The following COBL variants were observed in gnomAD, a reference collection of about 807,000 sequenced individuals.
The protein encoded by COBL is cordon-bleu WH2 repeat protein, also known as protein cordon-bleu.
A neutral mutation model predicts 98.8 loss-of-function variants in COBL; 51 were observed. The observed-to-expected ratio is 0.52, with a 90% CI of 0.41 to 0.65. The LOEUF (loss-of-function observed/expected upper bound fraction) is 0.65. COBL is among the 30% of genes least tolerant of loss of function. COBL has a pLI of 0.00. For synonymous variants in COBL, 634 were observed against 651.7 expected (o/e 0.97, Z 0.41); for missense variants, 1,617 against 1,617.5 (o/e 1.00, Z 0.01).
intron 10 of COBL, 54 bp from the exon 11 acceptor site, chr7:51,026,719 T>C: frequency 6.3e-7 from 1 of 1,585,758 alleles, no homozygotes; most frequent in Non-Finnish European, 8.6e-7. Context: ...AAATGTGAAC[T>C]GTAATGCAGC....
chr7:51,102,813 A>G (rs1312342834), intron 6 of COBL, among the ~76,000 whole-genome samples: 1 of 152,236 alleles, frequency 6.6e-6, no homozygotes, highest in Non-Finnish European at 1.5e-5. Context: ...GGCAAATAAT[A>G]CACACAAGCG....
At chr7:51,062,187 G>T (rs1401905545) in intron 7 of COBL, among the ~76,000 whole-genome samples, 1 of 152,086 alleles carries the variant, frequency 6.6e-6, no homozygotes, top group Non-Finnish European at 1.5e-5. Context: ...ATTACTTTAA[G>T]TCTACAAAAT....
Position 51,219,830 on chromosome 7 carries a change from A to G in COBL, c.156T>C (p.Val52=). 1 of 1,614,070 alleles carries G rather than the reference A, an allele frequency of 6.2e-7. No homozygotes were observed. The highest frequency in any genetic ancestry group is 8.5e-7 in the Non-Finnish European group (1 of 1,180,038). Residue 52 remains valine (V), a synonymous_variant, in exon 2 of 13, where the codon GTT becomes GTC. Coordinates refer to ENST00000265136, the MANE Select transcript of COBL (RefSeq NM_015198.5). ...TGGCCCTCAGCGCCTCCTTCATGCG[A>G]ACCAAGTTCTGCTGCGACCCGAGGG... ...DGALGSQQNL[V]RMKEALRAST...
At chr7:51,284,244 T>C (rs1800093325) in intron 1 of COBL, among the ~76,000 whole-genome samples, 2 of 148,474 alleles carry the variant, frequency 1.3e-5, no homozygotes, top group Admixed American at 1.3e-4. Context: ...GAGCTTGCAG[T>C]GAGCAGAGAT....
chr7:51,282,383 C>T (rs181475782), intron 1 of COBL, among the ~76,000 whole-genome samples: 3 of 151,924 alleles, frequency 2.0e-5, no homozygotes, highest in Admixed American at 2.0e-4. Flanking sequence ...GATGAAAAAC[C>T]ACACCTACAA....
In COBL at chr7:51,085,331, AATCAAAGTACTTTGTACCTAT is replaced by A. The variant is rs1276435050; in HGVS notation, c.958-48_958-28del. Reference sequence around the variant, plus strand: ...TATGAAGTACAAAGAAGGAAAGTACAATCAAAGTACTTTGTACCTATGAAGTACAAAGAAGGCAGTATTAGG... The same window carrying A: ...TATGAAGTACAAAGAAGGAAAGTACAGAAGTACAAAGAAGGCAGTATTAGG... On this transcript the variant is annotated intron_variant, in intron 6 of 12. Coordinates refer to ENST00000265136, the MANE Select transcript of COBL (RefSeq NM_015198.5). The A allele has an allele frequency of 6.0e-6, 3 of 500,648 alleles. No homozygotes were observed. The African/African-American group carries it at 1.9e-4, about 31-fold the overall frequency. The allele number at this position is 500,648 out of a possible 1,614,324, so 31.0% of individuals were successfully genotyped here.
intron 1 of COBL, among the ~76,000 whole-genome samples, chr7:51,252,689 A>ATT (rs1315765586): frequency 6.6e-6 from 1 of 152,242 alleles, no homozygotes; most frequent in East Asian, 1.9e-4. Context: ...AGGGTATAAT[A>ATT]TTGGCACATA....
At chr7:51,098,086 A>G (rs1475146704) in intron 6 of COBL, among the ~76,000 whole-genome samples, 1 of 151,918 alleles carries the variant, frequency 6.6e-6, no homozygotes, top group Admixed American at 6.6e-5. Context: ...TGCACACTGA[A>G]AACTACAAAA....
intron 2 of COBL, among the ~76,000 whole-genome samples, chr7:51,199,320 G>C (rs1424407605): frequency 6.6e-6 from 1 of 152,150 alleles, no homozygotes; most frequent in Admixed American, 6.5e-5. Context: ...TGGTGAGCTA[G>C]GAGTAGATCC....
chr7:51,088,291 T>A (rs1286626536), intron 6 of COBL, among the ~76,000 whole-genome samples: 3 of 152,132 alleles, frequency 2.0e-5, no homozygotes, highest in Non-Finnish European at 4.4e-5. Context: ...GGATTCTAAT[T>A]CAATTGTCTA....
chr7:51,146,828 G>T (rs1424082325), intron 5 of COBL, among the ~76,000 whole-genome samples: 1 of 152,202 alleles, frequency 6.6e-6, no homozygotes, highest in African/African-American at 2.4e-5. Context: ...GCAGGTCAGA[G>T]CAGTCAGGAG....
intron 12 of COBL, among the ~76,000 whole-genome samples, chr7:51,021,646 C>T (rs780537345): frequency 3.3e-5 from 5 of 152,184 alleles, no homozygotes; most frequent in Non-Finnish European, 7.4e-5. Context: ...TTTAAAAGTC[C>T]AAAAGGTGAA....
At chr7:51,178,494 A>G (rs1358031672) in intron 5 of COBL, among the ~76,000 whole-genome samples, 14 of 152,322 alleles carry the variant, frequency 9.2e-5, no homozygotes, top group African/African-American at 3.4e-4. Context: ...TCTTTTGAAC[A>G]GGGTTTTCAT....
intron 6 of COBL, among the ~76,000 whole-genome samples, chr7:51,108,268 T>C (rs1796492315): frequency 6.6e-6 from 1 of 152,162 alleles, no homozygotes; most frequent in Admixed American, 6.5e-5. Flanking sequence ...TTTTGGGGCT[T>C]TGTATCATGA....
chr7:51,036,321 A>G (rs1788629871), intron 8 of COBL, among the ~76,000 whole-genome samples: 2 of 135,986 alleles, frequency 1.5e-5, no homozygotes, highest in African/African-American at 2.8e-5. Context: ...TGGGTGACAG[A>G]GTGAGACTCC....
At chr7:51,106,123 G>A in intron 6 of COBL, among the ~76,000 whole-genome samples, 1 of 146,624 alleles carries the variant, frequency 6.8e-6, no homozygotes, top group African/African-American at 2.5e-5. Context: ...GGAATTGCTT[G>A]AACCAGGGTG....
At chr7:51,145,938 TG>T (rs1296672788) in intron 5 of COBL, among the ~76,000 whole-genome samples, 4 of 152,118 alleles carry the variant, frequency 2.6e-5, no homozygotes, top group Admixed American at 6.5e-5. Context: ...CATCTGTGTT[TG>T]GGAATCAAGA....
intron 2 of COBL, among the ~76,000 whole-genome samples, chr7:51,202,765 G>C (rs1791252835): frequency 6.6e-6 from 1 of 152,222 alleles, no homozygotes; most frequent in African/African-American, 2.4e-5. Context: ...GAAGGGCCGG[G>C]CACAGTGGCT....
chr7:51,220,059 C>T (rs756769159), intron 1 of COBL, 115 bp from the exon 2 acceptor site: 53 of 907,208 alleles, frequency 5.8e-5, no homozygotes, highest in Non-Finnish European at 7.9e-5. Context: ...CCAAGTGCCA[C>T]GGCCTTTTTA....
Sources: allele counts gnomAD v4.1 joint callset (sites outside exome capture counted in the v4.1 genomes callset), GRCh38; gene constraint gnomAD v4.1.1; transcripts MANE v1.5; gene names NCBI Gene and HGNC (gene_info 2026-07-23, HGNC 2026-07-21).